The following ADGRL3 variants were observed in gnomAD, a reference collection of about 807,000 sequenced individuals.
ADGRL3 encodes the protein adhesion G protein-coupled receptor L3, also known as calcium-independent alpha-latrotoxin receptor 3.
ADGRL3 carries 62 observed loss-of-function variants against 153.5 expected under a neutral mutation model. The ratio of observed to expected loss-of-function variants is 0.40; its 90% CI spans 0.33 to 0.50. The LOEUF (loss-of-function observed/expected upper bound fraction) is 0.50, where lower values mean the gene tolerates loss of function less well. Among genes scored for constraint, ADGRL3 ranks in the 20% least tolerant of loss-of-function variants. The pLI is 0.47. For missense variants in ADGRL3, 1,641 were observed against 1,859.4 expected (o/e 0.88, Z 2.16); for synonymous variants, 710 against 672.5 (o/e 1.06, Z -0.86).
At chr4:61,486,193 C>G (rs1435272697) in intron 2 of ADGRL3, among the ~76,000 whole-genome samples, 1 of 152,076 alleles carries the variant, frequency 6.6e-6, no homozygotes, top group Non-Finnish European at 1.5e-5. Flanking sequence ...ATCTGCCCAC[C>G]TCGGCCTCCC....
chr4:61,754,138 C>T (rs975297376), intron 8 of ADGRL3, among the ~76,000 whole-genome samples: 1 of 152,148 alleles, frequency 6.6e-6, no homozygotes, highest in East Asian at 1.9e-4. Flanking sequence ...AATTTAGTTC[C>T]TTAAAACTTT....
At chr4:61,370,552 C>G (rs2096500189) in intron 1 of ADGRL3, among the ~76,000 whole-genome samples, 1 of 152,160 alleles carries the variant, frequency 6.6e-6, no homozygotes, top group African/African-American at 2.4e-5. Flanking sequence ...GAGTGAGGTT[C>G]TTAATCCTGA....
intron 8 of ADGRL3, among the ~76,000 whole-genome samples, chr4:61,781,608 C>T (rs2097215434): frequency 6.6e-6 from 1 of 152,040 alleles, no homozygotes; most frequent in Admixed American, 6.6e-5. Flanking sequence ...AAAATACAGT[C>T]ATTGATTTTT....
At chr4:61,465,476 G>T (rs2097867746) in intron 2 of ADGRL3, among the ~76,000 whole-genome samples, 1 of 151,762 alleles carries the variant, frequency 6.6e-6, no homozygotes, top group Non-Finnish European at 1.5e-5. Flanking sequence ...AGATACAATT[G>T]CAAAGCCATA....
chr4:61,759,084 C>A (rs1436957058), intron 8 of ADGRL3, among the ~76,000 whole-genome samples: 1 of 152,092 alleles, frequency 6.6e-6, no homozygotes, highest in African/African-American at 2.4e-5. Flanking sequence ...TGTGGGTAAC[C>A]CTGCCTTTCT....
chr4:61,595,529 C>G (rs1269289099), intron 5 of ADGRL3, among the ~76,000 whole-genome samples: 1 of 152,112 alleles, frequency 6.6e-6, no homozygotes, highest in Non-Finnish European at 1.5e-5. Flanking sequence ...GAGCTGGTAT[C>G]CAAGATGCAA....
intron 6 of ADGRL3, among the ~76,000 whole-genome samples, chr4:61,715,570 A>C (rs1278580240): frequency 6.6e-6 from 1 of 152,172 alleles, no homozygotes; most frequent in East Asian, 1.9e-4. Context: ...ATGTTTATTC[A>C]CTCACACATA....
chr4:61,256,957 T>G (rs1228864018), intron 1 of ADGRL3, among the ~76,000 whole-genome samples: 6 of 152,132 alleles, frequency 3.9e-5, no homozygotes, highest in Non-Finnish European at 7.4e-5. Flanking sequence ...ATGCACATAC[T>G]TAACACACAC....
intron 1 of ADGRL3, among the ~76,000 whole-genome samples, chr4:61,321,417 A>T (rs1310353087): frequency 1.3e-5 from 2 of 152,140 alleles, no homozygotes; most frequent in Non-Finnish European, 2.9e-5. Flanking sequence ...AAGAGGATTC[A>T]ATAAGTTGAA....
chr4:61,378,411 A>C (rs112128681), intron 1 of ADGRL3, among the ~76,000 whole-genome samples: 32 of 152,146 alleles, frequency 2.1e-4, no homozygotes, highest in African/African-American at 6.5e-4. Context: ...CAGGTAGAAA[A>C]TATGGGTGCA....
chr4:61,803,049 A>T (rs905215449), intron 8 of ADGRL3, among the ~76,000 whole-genome samples: 25 of 152,242 alleles, frequency 1.6e-4, no homozygotes, highest in African/African-American at 5.8e-4. Context: ...CGCTAGTGGT[A>T]TCAGTGAGAA....
chr4:61,361,145 T>C (rs17828330), intron 1 of ADGRL3, among the ~76,000 whole-genome samples: 7,500 of 152,294 alleles, frequency 0.049, 248 homozygotes, highest in Non-Finnish European at 0.075. Flanking sequence ...ATCAGCTGCG[T>C]GGGCTTGAAT....
intron 5 of ADGRL3, among the ~76,000 whole-genome samples, chr4:61,609,977 C>T (rs1164469228): frequency 6.6e-6 from 1 of 151,816 alleles, no homozygotes; most frequent in African/African-American, 2.4e-5. Flanking sequence ...TGTCTAAATA[C>T]AGACATTTTT....
chr4:61,310,428 C>G (rs938702159), intron 1 of ADGRL3, among the ~76,000 whole-genome samples: 1 of 151,994 alleles, frequency 6.6e-6, no homozygotes, highest in Non-Finnish European at 1.5e-5. Context: ...CAGACTGTTT[C>G]CTGTCTGTGA....
intron 5 of ADGRL3, among the ~76,000 whole-genome samples, chr4:61,620,146 C>T (rs1318677302): frequency 2.0e-5 from 3 of 151,758 alleles, no homozygotes; most frequent in African/African-American, 7.3e-5. Flanking sequence ...AATAGGAATA[C>T]TTCCCAGTAA....
At chr4:61,646,065 A>T (rs995587510) in intron 5 of ADGRL3, among the ~76,000 whole-genome samples, 1 of 151,962 alleles carries the variant, frequency 6.6e-6, no homozygotes. Flanking sequence ...CCCTTTCTCC[A>T]GTTGATGGCA....
intron 8 of ADGRL3, among the ~76,000 whole-genome samples, chr4:61,760,012 G>C (rs912646555): frequency 1.3e-5 from 2 of 152,168 alleles, no homozygotes; most frequent in East Asian, 3.9e-4. Flanking sequence ...AAATGTTGCT[G>C]CCTGATTGTT....
rs559506314 is a variant in ADGRL3, at chr4:61,200,551, C to G, written c.-1454C>G. Among the ~76,000 whole-genome samples the G allele has an allele frequency of 1.3e-5, 2 of 150,342 alleles. No homozygotes were observed. The highest frequency in any genetic ancestry group is 4.9e-5 in the African/African-American group (2 of 40,618). On this transcript the variant is annotated 5_prime_UTR_variant, in exon 1 of 27. Coordinates refer to ENST00000683033, the MANE Select transcript of ADGRL3 (RefSeq NM_001387552.1). ...TGCTGCTGGTTTTTCTCGGACTGCT[C>G]GTTGCCTCCGCTCCGGCAGCTGCTG...
chr4:61,914,717 A>T (rs2098737410), intron 13 of ADGRL3, among the ~76,000 whole-genome samples: 1 of 152,136 alleles, frequency 6.6e-6, no homozygotes, highest in South Asian at 2.1e-4. Flanking sequence ...CCTTCTGGGT[A>T]GTATAGAATT....
Sources: allele counts gnomAD v4.1 joint callset (sites outside exome capture counted in the v4.1 genomes callset), GRCh38; gene constraint gnomAD v4.1.1; transcripts MANE v1.5; gene names NCBI Gene and HGNC (gene_info 2026-07-23, HGNC 2026-07-21).